Variants in MAMLD1 observed in about 807,000 individuals in gnomAD.
The protein encoded by MAMLD1 is mastermind-like domain-containing protein 1.
A neutral mutation model predicts 45.0 loss-of-function variants in MAMLD1; 14 were observed. The ratio of observed to expected loss-of-function variants is 0.31; its 90% CI spans 0.21 to 0.49. The LOEUF (loss-of-function observed/expected upper bound fraction) is 0.49. Among genes scored for constraint, MAMLD1 ranks in the 20% least tolerant of loss-of-function variants. The pLI is 0.99. For synonymous variants in MAMLD1, 254 were observed against 247.8 expected (o/e 1.02, Z -0.24); for missense variants, 543 against 603.6 (o/e 0.90, Z 1.05).
chrX:150,371,299 G>C (rs1239668560), intron 1 of MAMLD1, among the ~76,000 whole-genome samples: 1 of 111,365 alleles, frequency 9.0e-6, no homozygotes, highest in Non-Finnish European at 1.9e-5. Flanking sequence ...TTAAGGCTGA[G>C]AATTGTTCCC....
chrX:150,504,755 C>A, intron 6 of MAMLD1: 1 of 751,836 alleles, frequency 1.3e-6, no homozygotes, highest in South Asian at 6.8e-5. Flanking sequence ...ACAGCTTTCA[C>A]CCAGCAGTGA....
At chrX:150,385,218 T>C (rs1272402461) in intron 1 of MAMLD1, among the ~76,000 whole-genome samples, 1 of 110,042 alleles carries the variant, frequency 9.1e-6, no homozygotes, top group Non-Finnish European at 1.9e-5. Flanking sequence ...CTTCAGGTCA[T>C]GCAGGTTCAT....
Position 150,513,762 on chromosome X carries a change from C to A in MAMLD1, c.*1803C>A. On this transcript the variant is annotated 3_prime_UTR_variant, in exon 8 of 8. Coordinates refer to ENST00000370401, the MANE Select transcript of MAMLD1 (RefSeq NM_005491.5). ...GTGTGTGAGCCGAGCCCTGTCTCAGCAATCCACCTGGAGGAGCTAGAGTAT... is the reference window on the plus strand; with the variant it reads ...GTGTGTGAGCCGAGCCCTGTCTCAGAAATCCACCTGGAGGAGCTAGAGTAT... 1 of 297,464 alleles carries A rather than the reference C, an allele frequency of 3.4e-6. No individual in the cohort carries two copies. Among genetic ancestry groups the A allele is most frequent in the Non-Finnish European group, 5.9e-6 (1 of 170,361 alleles). 24.5% of individuals were successfully genotyped at this position (297,464 alleles called of 1,213,427 possible). A position where few individuals can be genotyped will look rare whatever the true frequency, so the allele number is the denominator to read the frequency against.
chrX:150,437,445 G>C (rs1449924452), intron 1 of MAMLD1, among the ~76,000 whole-genome samples: 5 of 111,915 alleles, frequency 4.5e-5, no homozygotes, highest in African/African-American at 1.6e-4. Flanking sequence ...AGATAGCCTT[G>C]CCTTGTTGCC....
chrX:150,463,897 C>T (rs1421059900), intron 3 of MAMLD1, among the ~76,000 whole-genome samples: 3 of 111,527 alleles, frequency 2.7e-5, no homozygotes. Flanking sequence ...CCTCCCCCTA[C>T]TTCCACTCCA....
At chrX:150,482,381 T>C (rs911877344) in intron 5 of MAMLD1, among the ~76,000 whole-genome samples, 2 of 112,045 alleles carry the variant, frequency 1.8e-5, no homozygotes, top group Non-Finnish European at 3.8e-5. Context: ...TAGGAGTGCA[T>C]GTTTAATGGG....
intron 5 of MAMLD1, among the ~76,000 whole-genome samples, chrX:150,487,650 C>G (rs1569565001): frequency 1.8e-5 from 2 of 111,732 alleles, no homozygotes; most frequent in African/African-American, 6.5e-5. Context: ...ACTTTCTTCC[C>G]CAGGGCCCCT....
At chrX:150,507,259 C>T (rs1557408873) in intron 6 of MAMLD1, among the ~76,000 whole-genome samples, 1 of 112,586 alleles carries the variant, frequency 8.9e-6, no homozygotes, top group Non-Finnish European at 1.9e-5. Context: ...GCACGGTTTC[C>T]TCCTGGTCAC....
chrX:150,396,724 GT>G (rs1355661480), intron 1 of MAMLD1, among the ~76,000 whole-genome samples: 1 of 111,878 alleles, frequency 8.9e-6, no homozygotes, highest in Non-Finnish European at 1.9e-5. Context: ...TCCTACCTGT[GT>G]GGGGTTTTTA....
chrX:150,472,617 G>A (rs1239459434), intron 4 of MAMLD1, among the ~76,000 whole-genome samples: 7 of 112,272 alleles, frequency 6.2e-5, no homozygotes, highest in Non-Finnish European at 9.4e-5. Context: ...ATGGCAGCTG[G>A]CTTCATCTGA....
At chrX:150,424,135 C>G (rs2034622098) in intron 1 of MAMLD1, among the ~76,000 whole-genome samples, 1 of 112,297 alleles carries the variant, frequency 8.9e-6, no homozygotes, top group South Asian at 3.7e-4. Context: ...ATTTTAGAGT[C>G]AAATAAGTTT....
chrX:150,502,570 C>A (rs2037589609), intron 5 of MAMLD1, among the ~76,000 whole-genome samples: 1 of 111,863 alleles, frequency 8.9e-6, no homozygotes, highest in Non-Finnish European at 1.9e-5. Context: ...TCAATATGTT[C>A]AATTCTGGTG....
chrX:150,439,107 A>G (rs1219665790), intron 1 of MAMLD1, among the ~76,000 whole-genome samples: 1 of 112,476 alleles, frequency 8.9e-6, no homozygotes, highest in Non-Finnish European at 1.9e-5. Context: ...AATGTTGAAC[A>G]TCATTACATA....
chrX:150,488,071 AAC>A (rs782656356), intron 5 of MAMLD1, among the ~76,000 whole-genome samples: 96 of 112,881 alleles, frequency 8.5e-4, no homozygotes, highest in African/African-American at 3.0e-3. Context: ...AGAAGACACA[AAC>A]ACACAGCTGG....
intron 2 of MAMLD1, among the ~76,000 whole-genome samples, chrX:150,447,501 G>A (rs958536502): frequency 7.1e-5 from 8 of 112,105 alleles, no homozygotes; most frequent in East Asian, 2.8e-4. Flanking sequence ...TTGGCTGGAC[G>A]TGACAGGTGC....
chrX:150,507,194 T>A (rs2037755582), intron 6 of MAMLD1, among the ~76,000 whole-genome samples: 1 of 112,319 alleles, frequency 8.9e-6, no homozygotes, highest in African/African-American at 3.2e-5. Context: ...GCCTAGGCTG[T>A]CCTTCATAAG....
chrX:150,493,600 A>C lies in MAMLD1; in HGVS notation c.2041-9674A>C, dbSNP rs1478451502. On this transcript the variant is annotated intron_variant, in intron 5 of 7. Transcript: ENST00000370401. ...CTTGTGTGCCCCTCCCTCTTCCCAG[A>C]GATAACAACTATCCTGGCTTCCAAG... is the stretch of plus-strand genomic sequence containing the variant. Among the ~76,000 whole-genome samples, 7 of 111,556 alleles carry C rather than the reference A, an allele frequency of 6.3e-5. 2 individuals carry two copies. In the Admixed American group the frequency reaches 6.7e-4, roughly 11 times the overall value.
Position 150,513,682 on chromosome X carries a change from A to C in MAMLD1, c.*1723A>C, listed in dbSNP as rs374129681. 6.6e-4 allele frequency: 196 copies of C among 296,012 alleles called. 2 individuals are homozygous for C. The highest frequency in any genetic ancestry group is 4.4e-3 in the African/African-American group (159 of 36,424). 24.4% of individuals were successfully genotyped at this position (296,012 alleles called of 1,213,427 possible). A position where few individuals can be genotyped will look rare whatever the true frequency, so the allele number is the denominator to read the frequency against. ...TTTTATCGTTAAGTGCCCCACAGAG[A>C]CACTTTACCAGGAGGCTGGGAGAGT... On this transcript the variant is annotated 3_prime_UTR_variant, in exon 8 of 8. Coordinates refer to ENST00000370401, the MANE Select transcript of MAMLD1 (RefSeq NM_005491.5).
chrX:150,505,394 G>A (rs944582986), intron 6 of MAMLD1, among the ~76,000 whole-genome samples: 2 of 112,124 alleles, frequency 1.8e-5, no homozygotes, highest in South Asian at 7.5e-4. Flanking sequence ...ATTTACTTGT[G>A]TCCATAAGAG....
Sources: gnomAD v4.1 joint callset for allele counts (sites outside exome capture counted in the v4.1 genomes callset) on GRCh38, gnomAD v4.1.1 for gene constraint, MANE v1.5 for transcripts, NCBI Gene and HGNC (gene_info 2026-07-23, HGNC 2026-07-21) for gene names.